MCL1: variants seen among roughly 807,000 people sequenced by gnomAD.
MCL1 encodes the protein MCL1 apoptosis regulator, BCL2 family member.
A neutral mutation model predicts 24.2 loss-of-function variants in MCL1; 4 were observed. That is an observed-to-expected ratio of 0.17 (90% CI 0.08 to 0.38). The LOEUF is 0.38. Among genes scored for constraint, MCL1 ranks in the 10% least tolerant of loss-of-function variants. The pLI, the probability that MCL1 is intolerant of heterozygous loss-of-function variation, is 1.00. For missense variants in MCL1, 529 were observed against 480.3 expected (o/e 1.10, Z -0.95); for synonymous variants, 248 against 214.0 (o/e 1.16, Z -1.39).
rs778132512 is a variant in MCL1 at position 150,579,489 on chromosome 1, G to C, written c.42C>G (p.Leu14=). Residue 14 remains leucine (L), a synonymous_variant, in exon 1 of 3, where the codon CTC becomes CTG. Transcript: ENST00000369026. Reference sequence around the variant, plus strand: ...CCCCCAAGCCGGCCCCCCCACAGTAGAGGTTGAGTCCGATTACCGCGTTTC... The same window carrying C: ...CCCCCAAGCCGGCCCCCCCACAGTACAGGTTGAGTCCGATTACCGCGTTTC... The part of the protein sequence containing the change: ...LKRNAVIGLN[L]YCGGAGLGAG... 3.1e-6 allele frequency: 5 copies of C among 1,598,102 alleles called. No individual in the cohort carries two copies. Among genetic ancestry groups the C allele is most frequent in the Non-Finnish European group, 4.3e-6 (5 of 1,173,756 alleles).
In MCL1 at chr1:150,577,363, C is replaced by G. The variant is rs1647853848; in HGVS notation, c.*12G>C. 6.2e-7 allele frequency: 1 copy of G among 1,610,966 alleles called. No homozygotes were observed. The highest frequency in any genetic ancestry group is 1.3e-5 in the African/African-American group (1 of 74,702). ...GGTTGGTTAAAAGTCAACTATTGCA[C>G]TTACAGTAAGGCTATCTTATTAGAT... On this transcript the variant is annotated 3_prime_UTR_variant, in exon 3 of 3. Coordinates refer to ENST00000369026, the MANE Select transcript of MCL1 (RefSeq NM_021960.5).
Position 150,575,185 on chromosome 1 carries a change from G to A in MCL1, c.*2190C>T, listed in dbSNP as rs199815201. On this transcript the variant is annotated 3_prime_UTR_variant, in exon 3 of 3. Coordinates refer to ENST00000369026, the MANE Select transcript of MCL1 (RefSeq NM_021960.5). ...TTAGAGATACATGATATAAATAAGC[G>A]GCTTATGATCAAGAACGATAAATAC... The A allele has an allele frequency of 3.1e-4, 73 of 233,154 alleles. No homozygotes were observed. The East Asian group carries it at 4.3e-3, about 14-fold the overall frequency. The allele number at this position is 233,154 out of a possible 1,614,324, so 14.4% of individuals were successfully genotyped here.
At position 150,578,134 on chromosome 1, in the gene MCL1, CT is replaced by C. The variant is rs1165074672; in HGVS notation, c.936+109del. The C allele has an allele frequency of 2.5e-6, 3 of 1,211,192 alleles. No individual in the cohort carries two copies. The African/African-American group carries it at 4.6e-5, about 18-fold the overall frequency. 75.0% of individuals were successfully genotyped at this position (1,211,192 alleles called of 1,614,324 possible). A position where few individuals can be genotyped will look rare whatever the true frequency, so the allele number is the denominator to read the frequency against. On this transcript the variant is annotated intron_variant, in intron 2 of 2. Coordinates refer to ENST00000369026, the MANE Select transcript of MCL1 (RefSeq NM_021960.5). ...TAAACAATGGTCCTTTAGTTAGAGCCTGCAAACAGCCGTGCGTCATAAAAAC... is the reference window on the plus strand; with the variant it reads ...TAAACAATGGTCCTTTAGTTAGAGCCGCAAACAGCCGTGCGTCATAAAAAC...
rs752950171 is a variant in MCL1 at position 150,579,033 on chromosome 1, TGGC to T, written c.495_497del (p.Pro166del). The T allele has an allele frequency of 2.5e-6, 4 of 1,613,360 alleles. No homozygotes were observed. In the East Asian group the frequency reaches 6.7e-5, roughly 27 times the overall value. On this transcript the variant is annotated inframe_deletion, in exon 1 of 3. Coordinates refer to ENST00000369026, the MANE Select transcript of MCL1 (RefSeq NM_021960.5). ...ACAACTCGTCCTCCTCCTCCTCTGCTGGCGGCGGCGTCGAGGGTAGTGACCCGT... is the reference window on the plus strand; with the variant it reads ...ACAACTCGTCCTCCTCCTCCTCTGCTGGCGGCGTCGAGGGTAGTGACCCGT...
intron 2 of MCL1, 140 bp from the exon 3 acceptor site, chr1:150,577,631 G>A (rs1344331705): frequency 2.3e-6 from 2 of 881,536 alleles, no homozygotes; most frequent in Non-Finnish European, 1.6e-6. Context: ...TTCACCCCGG[G>A]GCAAAAAAAG....
chr1:150,574,890 C>T lies in MCL1; in HGVS notation c.*2485G>A, dbSNP rs1647722825. The T allele has an allele frequency of 8.6e-6, 2 of 233,218 alleles. No homozygotes were observed. Among genetic ancestry groups the T allele is most frequent in the South Asian group, 3.6e-4 (2 of 5,538 alleles). 14.4% of individuals were successfully genotyped at this position (233,218 alleles called of 1,614,324 possible). ...GCCAGTCAGCACTTAGACCACCTGCCTCCTCCTCCCCCTATAAACCCACCA... is the reference window on the plus strand; with the variant it reads ...GCCAGTCAGCACTTAGACCACCTGCTTCCTCCTCCCCCTATAAACCCACCA... On this transcript the variant is annotated 3_prime_UTR_variant, in exon 3 of 3. Transcript: ENST00000369026.
rs778215108 is a variant in MCL1, at chr1:150,577,500, CAAA to C, written c.937-12_937-10del. ...AACTCCACAAACCCATCCTAGAAAA[CAAA>C]AAAGAAAAGCACATTTTCAAGTATG... is the stretch of plus-strand genomic sequence containing the variant. On this transcript the variant is annotated splice_polypyrimidine_tract_variant and intron_variant, in intron 2 of 2. Coordinates refer to ENST00000369026, the MANE Select transcript of MCL1 (RefSeq NM_021960.5). The C allele has an allele frequency of 6.3e-7, 1 of 1,592,610 alleles. No individual in the cohort carries two copies. Among genetic ancestry groups the C allele is most frequent in the Non-Finnish European group, 8.5e-7 (1 of 1,173,842 alleles).
At position 150,579,417 on chromosome 1, in the gene MCL1, C is replaced by G; in HGVS notation, c.114G>C (p.Thr38=). The change falls in exon 1 of 3, where the codon ACG becomes ACC. Residue 38 remains threonine (T), a synonymous_variant. Coordinates refer to ENST00000369026, the MANE Select transcript of MCL1 (RefSeq NM_021960.5). ...CTCGCCGGGCCGAGGCCTCCTTCTC[C>G]GTAGCCAAAAGTCGCCCTCCCGGGC... ...ATRPGGRLLA[T]EKEASARREI... 1.3e-6 allele frequency: 2 copies of G among 1,580,436 alleles called. No individual in the cohort carries two copies. The highest frequency in any genetic ancestry group is 4.8e-5 in the East Asian group (2 of 41,266).
rs2101695706 is a variant in MCL1 at position 150,578,309 on chromosome 1, C to T, written c.871G>A (p.Ala291Thr). The T allele has an allele frequency of 6.2e-7, 1 of 1,614,198 alleles. No homozygotes were observed. ...ACGAGAACGTCTGTGATACTTTCTG[C>T]TAATGGTTCGATGCAGCTTTCTTGG... ...INQESCIEPL[A>T]ESITDVLVRT... The change falls in exon 2 of 3, where the codon GCA becomes ACA. Residue 291 changes from alanine to threonine, a missense_variant. Physicochemically the swap from Ala to Thr is moderately conservative, Grantham distance 58. Coordinates refer to ENST00000369026, the MANE Select transcript of MCL1 (RefSeq NM_021960.5).
chr1:150,579,373 G>T lies in MCL1; in HGVS notation c.158C>A (p.Ala53Asp). 6.7e-7 allele frequency: 1 copy of T among 1,500,582 alleles called. No individual in the cohort carries two copies. Among genetic ancestry groups the T allele is most frequent in the Non-Finnish European group, 8.8e-7 (1 of 1,133,582 alleles). 93.0% of individuals were successfully genotyped at this position (1,500,582 alleles called of 1,614,324 possible). The change falls in exon 1 of 3, where the codon GCC becomes GAC. Residue 53 changes from alanine to aspartate, a missense_variant. By Grantham distance (126) the Ala-to-Asp change is moderately radical (BLOSUM62 -2). Transcript: ENST00000369026. The stretch of plus-strand genomic sequence containing the variant: ...GGCGCTTCCGCCAATCACCGCGCCG[G>T]CCTCCCCTCCCCCTATCTCTCGCCG... ...SARREIGGGE[A>D]GAVIGGSAGA... is the part of the protein sequence containing the mutation.
rs750805885 is a variant in MCL1, at chr1:150,579,475, G to GC, written c.55dup (p.Ala19GlyfsTer91). The GC allele has an allele frequency of 3.8e-6, 6 of 1,593,256 alleles. No individual in the cohort carries two copies. Among genetic ancestry groups the GC allele is most frequent in the South Asian group, 2.2e-5 (2 of 89,942 alleles). ...GCCGCCGCTGCCGGCCCCCAAGCCG[G>GC]CCCCCCCACAGTAGAGGTTGAGTCC... On this transcript the variant is annotated frameshift_variant, in exon 1 of 3. Coordinates refer to ENST00000369026, the MANE Select transcript of MCL1 (RefSeq NM_021960.5). LOFTEE classifies it high-confidence loss of function.
Position 150,579,597 on chromosome 1 carries a change from C to G in MCL1, c.-67G>C, listed in dbSNP as rs1472989638. 2 of 1,503,498 alleles carry G rather than the reference C, an allele frequency of 1.3e-6. No homozygotes were observed. Among genetic ancestry groups the G allele is most frequent in the Non-Finnish European group, 1.8e-6 (2 of 1,110,688 alleles). The allele number at this position is 1,503,498 out of a possible 1,614,324, so 93.1% of individuals were successfully genotyped here. On this transcript the variant is annotated 5_prime_UTR_variant, in exon 1 of 3. Coordinates refer to ENST00000369026, the MANE Select transcript of MCL1 (RefSeq NM_021960.5). Reference sequence around the variant, plus strand: ...ACCCCGACTCCTTACTGGAAGGAAGCGGAAGTGAGAAGTGGCGAGCAGCTC... The same window carrying G: ...ACCCCGACTCCTTACTGGAAGGAAGGGGAAGTGAGAAGTGGCGAGCAGCTC...
intron 2 of MCL1, among the ~76,000 whole-genome samples, chr1:150,577,945 A>C (rs960506263): frequency 1.3e-5 from 2 of 152,164 alleles, no homozygotes; most frequent in African/African-American, 4.8e-5. Flanking sequence ...GAATTATTTC[A>C]GCTATCCTCC....
Position 150,574,583 on chromosome 1 carries a change from T to C in MCL1, c.*2792A>G, listed in dbSNP as rs1053717294. 1.3e-4 allele frequency: 31 copies of C among 229,812 alleles called. No homozygotes were observed. The highest frequency in any genetic ancestry group is 3.7e-4 in the East Asian group (6 of 16,130). The allele number at this position is 229,812 out of a possible 1,614,324, so 14.2% of individuals were successfully genotyped here. On this transcript the variant is annotated 3_prime_UTR_variant, in exon 3 of 3. Transcript: ENST00000369026. Reference sequence around the variant, plus strand: ...TTTGAATAAAAGATTTATTTTTTTTTCTCAGGAAAAACAGAAAGTTAGGGA... The same window carrying C: ...TTTGAATAAAAGATTTATTTTTTTTCCTCAGGAAAAACAGAAAGTTAGGGA...
rs1647775491 is a variant in MCL1 at position 150,575,841 on chromosome 1, A to ATCT, written c.*1533_*1534insAGA. On this transcript the variant is annotated 3_prime_UTR_variant, in exon 3 of 3. Transcript: ENST00000369026. Reference sequence around the variant, plus strand: ...ATATAAATATCTGTAGAGGGAGCAGAACAATCAGCAATTTCAAGGAAGGAC... The same window carrying ATCT: ...ATATAAATATCTGTAGAGGGAGCAGATCTACAATCAGCAATTTCAAGGAAGGAC... 8.6e-6 allele frequency: 2 copies of ATCT among 233,444 alleles called. No individual in the cohort carries two copies. The highest frequency in any genetic ancestry group is 1.7e-5 in the Non-Finnish European group (2 of 118,038). The allele number at this position is 233,444 out of a possible 1,614,324, so 14.5% of individuals were successfully genotyped here. A position where few individuals can be genotyped will look rare whatever the true frequency, so the allele number is the denominator to read the frequency against.
rs35609481 is a variant in MCL1, at chr1:150,575,006, CCA to C, written c.*2367_*2368del. 9.6e-3 allele frequency: 2,233 copies of C among 233,344 alleles called. 13 individuals are homozygous for C. Among genetic ancestry groups the C allele is most frequent in the Middle Eastern group, 0.013 (10 of 786 alleles). 14.5% of individuals were successfully genotyped at this position (233,344 alleles called of 1,614,324 possible). A position where few individuals can be genotyped will look rare whatever the true frequency, so the allele number is the denominator to read the frequency against. ...TCAACTAAGATCCTTGTCTGTATTTCCACAGTCATACCTAATGAATTGGGAAG... is the reference window on the plus strand; with the variant it reads ...TCAACTAAGATCCTTGTCTGTATTTCCAGTCATACCTAATGAATTGGGAAG... On this transcript the variant is annotated 3_prime_UTR_variant, in exon 3 of 3. Coordinates refer to ENST00000369026, the MANE Select transcript of MCL1 (RefSeq NM_021960.5).
intron 2 of MCL1, 149 bp from the exon 3 acceptor site, chr1:150,577,640 A>T: frequency 3.7e-6 from 3 of 818,082 alleles, no homozygotes; most frequent in Non-Finnish European, 5.4e-6. Context: ...GGGCAAAAAA[A>T]GAAAATAAGT....
intron 2 of MCL1, among the ~76,000 whole-genome samples, chr1:150,577,811 A>G (rs1647877520): frequency 6.6e-6 from 1 of 152,182 alleles, no homozygotes; most frequent in African/African-American, 2.4e-5. Context: ...ATATTTCAGT[A>G]ACGCCTCAAT....
chr1:150,579,187 G>T lies in MCL1; in HGVS notation c.344C>A (p.Ala115Asp). 1 of 1,604,452 alleles carries T rather than the reference G, an allele frequency of 6.2e-7. No homozygotes were observed. Among genetic ancestry groups the T allele is most frequent in the Non-Finnish European group, 8.5e-7 (1 of 1,177,536 alleles). The change falls in exon 1 of 3, where the codon GCC becomes GAC. Residue 115 changes from alanine (A) to aspartate (D), a missense_variant. Ala to Asp is a moderately radical substitution (Grantham distance 126). Transcript: ENST00000369026. ...TTCGGGCGACATGATGGCGTCAGCG[G>T]CCGGGGCTTCCATCTCCTCAAGCGG... ...AAPLEEMEAP[A>D]ADAIMSPEEE...
Sources: allele counts gnomAD v4.1 joint callset (sites outside exome capture counted in the v4.1 genomes callset), GRCh38; gene constraint gnomAD v4.1.1; transcripts MANE v1.5; gene names NCBI Gene and HGNC (gene_info 2026-07-23, HGNC 2026-07-21).